NDUFAF8: variants seen among roughly 807,000 people sequenced by gnomAD.
NDUFAF8 encodes the protein NADH:ubiquinone oxidoreductase complex assembly factor 8.
Under a neutral mutation model 9.9 loss-of-function variants are expected in NDUFAF8, and 9 were observed. The observed-to-expected ratio is 0.91, with a 90% CI of 0.55 to 1.59. NDUFAF8 has a LOEUF of 1.59. NDUFAF8 is among the 40% of genes most tolerant of loss of function. The pLI is 0.00. For synonymous variants in NDUFAF8, 63 were observed against 51.2 expected, an observed-to-expected ratio of 1.23 and a Z score of -0.98; for missense variants, 114 against 113.8, an observed-to-expected ratio of 1.00 and a Z score of -0.01.
At chr17:81,240,917 G>A (rs957182784) in intron 2 of NDUFAF8, 70 bp from the exon 3 acceptor site, 1 of 1,553,034 alleles carries the variant, frequency 6.4e-7, no homozygotes, top group African/African-American at 1.4e-5. Flanking sequence ...AACGTGTGGT[G>A]TGGTAGCTTG....
rs2062815575 is a variant in NDUFAF8 at position 81,241,276 on chromosome 17, C to T, written c.*260C>T. ...AGCCACGATAAAGACTCGGTCAAAT[C>T]CTGCAGCCTGGGGCTTACTGTGTGC... On this transcript the variant is annotated 3_prime_UTR_variant, in exon 3 of 3. Transcript: ENST00000431388. 9.3e-7 allele frequency: 1 copy of T among 1,080,332 alleles called. No individual in the cohort carries two copies. The highest frequency in any genetic ancestry group is 1.2e-6 in the Non-Finnish European group (1 of 822,488). The allele number at this position is 1,080,332 out of a possible 1,614,324, so 66.9% of individuals were successfully genotyped here.
At chr17:81,239,924 A>G in intron 2 of NDUFAF8, 1 of 571,930 alleles carries the variant, frequency 1.7e-6, no homozygotes, top group South Asian at 2.0e-5. Flanking sequence ...ATGTGTGCAA[A>G]AAAGCGCCTT....
In NDUFAF8 at chr17:81,239,402, C is replaced by T. The variant is rs1293339450; in HGVS notation, c.39C>T (p.Ser13=). ...ANGAVWGRVR[S]RLRAFPERLA... is the part of the protein sequence containing the mutation. The stretch of plus-strand genomic sequence containing the variant: ...GAGCGGTGTGGGGCCGCGTGCGAAG[C>T]CGCCTCCGCGCCTTCCCCGAGCGGC... The change falls in exon 1 of 3, where the codon AGC becomes AGT. Residue 13 remains serine, a synonymous_variant. Transcript: ENST00000431388. The T allele has an allele frequency of 1.5e-6, 2 of 1,364,104 alleles. No homozygotes were observed. Among genetic ancestry groups the T allele is most frequent in the African/African-American group, 1.5e-5 (1 of 64,906 alleles). 84.5% of individuals were successfully genotyped at this position (1,364,104 alleles called of 1,614,324 possible).
Position 81,239,390 on chromosome 17 carries a change from C to A in NDUFAF8, c.27C>A (p.Gly9=). Residue 9 remains glycine, a synonymous_variant, in exon 1 of 3, where the codon GGC becomes GGA. Coordinates refer to ENST00000431388, the MANE Select transcript of NDUFAF8 (RefSeq NM_001086521.2). Reference sequence around the variant, plus strand: ...TGTCGGCTAACGGAGCGGTGTGGGGCCGCGTGCGAAGCCGCCTCCGCGCCT... The same window carrying A: ...TGTCGGCTAACGGAGCGGTGTGGGGACGCGTGCGAAGCCGCCTCCGCGCCT... MSANGAVW[G]RVRSRLRAFP... is the part of the protein sequence containing the mutation. The A allele has an allele frequency of 7.3e-7, 1 of 1,369,200 alleles. No homozygotes were observed. 84.8% of individuals were successfully genotyped at this position (1,369,200 alleles called of 1,614,324 possible).
intron 2 of NDUFAF8, 62 bp from the exon 3 acceptor site, chr17:81,240,925 T>A: frequency 6.3e-7 from 1 of 1,579,920 alleles, no homozygotes; most frequent in Non-Finnish European, 8.6e-7. Flanking sequence ...GTGTGGTAGC[T>A]TGCTTTTGAG....
rs1442340896 is a variant in NDUFAF8, at chr17:81,239,668, T to G, written c.185T>G (p.Phe62Cys). ...GAGTTCGAGGCCCTGCGGAGCTGCTTCGCCGCTGCGGTAGGTGGGCGCGGG... is the reference window on the plus strand; with the variant it reads ...GAGTTCGAGGCCCTGCGGAGCTGCTGCGCCGCTGCGGTAGGTGGGCGCGGG... ...AREFEALRSC[F>C]AAAAKKTLEG... The change falls in exon 2 of 3, where the codon TTC becomes TGC. Residue 62 changes from phenylalanine to cysteine, a missense_variant. By Grantham distance (205) the Phe-to-Cys change is radical. Transcript: ENST00000431388. 6.5e-7 allele frequency: 1 copy of G among 1,538,936 alleles called. No individual in the cohort carries two copies. The highest frequency in any genetic ancestry group is 1.4e-5 in the African/African-American group (1 of 73,006).
chr17:81,239,696 C>T lies in NDUFAF8; in HGVS notation c.195+18C>T, dbSNP rs1250316874. 8 of 1,530,078 alleles carry T rather than the reference C, an allele frequency of 5.2e-6. No homozygotes were observed. Among genetic ancestry groups the T allele is most frequent in the Non-Finnish European group, 7.0e-6 (8 of 1,140,766 alleles). The allele number at this position is 1,530,078 out of a possible 1,614,324, so 94.8% of individuals were successfully genotyped here. A position where few individuals can be genotyped will look rare whatever the true frequency, so the allele number is the denominator to read the frequency against. On this transcript the variant is annotated intron_variant, in intron 2 of 2. Coordinates refer to ENST00000431388, the MANE Select transcript of NDUFAF8 (RefSeq NM_001086521.2). ...CCGCTGCGGTAGGTGGGCGCGGGCC[C>T]CTTCCCCCCTTCCCAGCCCTTCCCC...
In NDUFAF8 at chr17:81,241,180, G is replaced by A. The variant is rs1414532252; in HGVS notation, c.*164G>A. The A allele has an allele frequency of 7.1e-7, 1 of 1,399,516 alleles. No homozygotes were observed. Among genetic ancestry groups the A allele is most frequent in the East Asian group, 2.6e-5 (1 of 38,710 alleles). 86.7% of individuals were successfully genotyped at this position (1,399,516 alleles called of 1,614,324 possible). A position where few individuals can be genotyped will look rare whatever the true frequency, so the allele number is the denominator to read the frequency against. On this transcript the variant is annotated 3_prime_UTR_variant, in exon 3 of 3. Coordinates refer to ENST00000431388, the MANE Select transcript of NDUFAF8 (RefSeq NM_001086521.2). ...TCCTGTTTTTTCTTAACAAGTTGAG[G>A]CGTGGGTAGAGCAGGAATTGGTTTT...
chr17:81,239,319 A>T lies in NDUFAF8; in HGVS notation c.-45A>T, dbSNP rs776680789. The T allele has an allele frequency of 7.3e-7, 1 of 1,364,914 alleles. No individual in the cohort carries two copies. The highest frequency in any genetic ancestry group is 9.5e-7 in the Non-Finnish European group (1 of 1,058,124). The allele number at this position is 1,364,914 out of a possible 1,614,324, so 84.6% of individuals were successfully genotyped here. A position where few individuals can be genotyped will look rare whatever the true frequency, so the allele number is the denominator to read the frequency against. On this transcript the variant is annotated 5_prime_UTR_variant, in exon 1 of 3. Transcript: ENST00000431388. ...TCAAGCTGTTTGACACCGGAAGAGG[A>T]CGGACCTAAGATGGCGGCCTCCAGG... is the stretch of plus-strand genomic sequence containing the variant.
chr17:81,240,641 C>T (rs918845926), intron 2 of NDUFAF8, among the ~76,000 whole-genome samples: 1 of 150,464 alleles, frequency 6.6e-6, no homozygotes, highest in African/African-American at 2.5e-5. Flanking sequence ...TGTACTCCAG[C>T]CTAGGCAACA....
chr17:81,239,344 G>A lies in NDUFAF8; in HGVS notation c.-20G>A. On this transcript the variant is annotated 5_prime_UTR_variant, in exon 1 of 3. Transcript: ENST00000431388. The stretch of plus-strand genomic sequence containing the variant: ...ACGGACCTAAGATGGCGGCCTCCAG[G>A]GGGCTGGGAATAGCCGCTCATGTCG... 3 of 1,366,494 alleles carry A rather than the reference G, an allele frequency of 2.2e-6. No homozygotes were observed. In the African/African-American group the frequency reaches 4.6e-5, roughly 21 times the overall value. 84.6% of individuals were successfully genotyped at this position (1,366,494 alleles called of 1,614,324 possible).
intron 2 of NDUFAF8, 140 bp downstream of exon 2, chr17:81,239,818 C>A: frequency 1.0e-6 from 1 of 960,470 alleles, no homozygotes; most frequent in South Asian, 1.6e-5. Flanking sequence ...ACAAAATCAC[C>A]GAGCCATCGA....
In NDUFAF8 at chr17:81,241,082, G is replaced by C; in HGVS notation, c.*66G>C. On this transcript the variant is annotated 3_prime_UTR_variant, in exon 3 of 3. Transcript: ENST00000431388. The stretch of plus-strand genomic sequence containing the variant: ...CAGAGCCCTAGTCCTGATGGCCCCT[G>C]GTGGCACATATCGAATGCCTAGGGC... 6.4e-7 allele frequency: 1 copy of C among 1,566,066 alleles called. No homozygotes were observed. Among genetic ancestry groups the C allele is most frequent in the South Asian group, 1.2e-5 (1 of 85,488 alleles).
chr17:81,241,025 C>T lies in NDUFAF8; in HGVS notation c.*9C>T. ...TGGAGGGAGGCTGTTAGGAGGGACT[C>T]TGAGCTTCACACCTGTCTGCTGCCA... On this transcript the variant is annotated 3_prime_UTR_variant, in exon 3 of 3. Coordinates refer to ENST00000431388, the MANE Select transcript of NDUFAF8 (RefSeq NM_001086521.2). 1.2e-6 allele frequency: 2 copies of T among 1,613,018 alleles called. No individual in the cohort carries two copies. Among genetic ancestry groups the T allele is most frequent in the African/African-American group, 2.7e-5 (2 of 75,034 alleles).
chr17:81,239,381 G>A lies in NDUFAF8; in HGVS notation c.18G>A (p.Ala6=). The A allele has an allele frequency of 2.9e-6, 4 of 1,358,554 alleles. No individual in the cohort carries two copies. Among genetic ancestry groups the A allele is most frequent in the South Asian group, 3.7e-5 (2 of 53,482 alleles). The allele number at this position is 1,358,554 out of a possible 1,614,324, so 84.2% of individuals were successfully genotyped here. A position where few individuals can be genotyped will look rare whatever the true frequency, so the allele number is the denominator to read the frequency against. The stretch of plus-strand genomic sequence containing the variant: ...AGCCGCTCATGTCGGCTAACGGAGC[G>A]GTGTGGGGCCGCGTGCGAAGCCGCC... MSANG[A]VWGRVRSRLR... Residue 6 remains alanine, a synonymous_variant, in exon 1 of 3, where the codon GCG becomes GCA. Transcript: ENST00000431388.
Position 81,239,656 on chromosome 17 carries a change from TGCGGA to T in NDUFAF8, c.176_180del (p.Arg59LeufsTer61). ...TTCTGCGCGCGGGAGTTCGAGGCCC[TGCGGA>T]GCTGCTTCGCCGCTGCGGTAGGTGG... On this transcript the variant is annotated frameshift_variant, in exon 2 of 3. Transcript: ENST00000431388. LOFTEE classifies it high-confidence loss of function. 6.5e-7 allele frequency: 1 copy of T among 1,539,884 alleles called. No individual in the cohort carries two copies. Among genetic ancestry groups the T allele is most frequent in the Non-Finnish European group, 8.7e-7 (1 of 1,146,544 alleles).
In NDUFAF8 at chr17:81,241,227, T is replaced by C. The variant is rs2062815289; in HGVS notation, c.*211T>C. On this transcript the variant is annotated 3_prime_UTR_variant, in exon 3 of 3. Coordinates refer to ENST00000431388, the MANE Select transcript of NDUFAF8 (RefSeq NM_001086521.2). ...TTTTCCAGCATTGTGTCCGTAAACC[T>C]GAGTTAGAATAAGATGTAACGGAAG... 1.5e-6 allele frequency: 2 copies of C among 1,339,082 alleles called. No individual in the cohort carries two copies. Among genetic ancestry groups the C allele is most frequent in the Admixed American group, 6.2e-5 (2 of 32,260 alleles). 83.0% of individuals were successfully genotyped at this position (1,339,082 alleles called of 1,614,324 possible).
intron 2 of NDUFAF8, 131 bp from the exon 3 acceptor site, chr17:81,240,856 C>A: frequency 8.2e-7 from 1 of 1,216,812 alleles, no homozygotes; most frequent in Non-Finnish European, 1.1e-6. Context: ...CCAGTCGAGC[C>A]CCCACCATAT....
At chr17:81,240,646 G>A (rs1217889778) in intron 2 of NDUFAF8, among the ~76,000 whole-genome samples, 1 of 147,328 alleles carries the variant, frequency 6.8e-6, no homozygotes. Flanking sequence ...TCCAGCCTAG[G>A]CAACAAAGTG....
Sources: allele counts gnomAD v4.1 joint callset (sites outside exome capture counted in the v4.1 genomes callset), GRCh38; gene constraint gnomAD v4.1.1; transcripts MANE v1.5; gene names NCBI Gene and HGNC (gene_info 2026-07-23, HGNC 2026-07-21).